The following MAN1B1 variants were observed in gnomAD, a reference collection of about 807,000 sequenced individuals.
The protein encoded by MAN1B1 is mannosidase alpha class 1B member 1, also known as endoplasmic reticulum mannosyl-oligosaccharide 1,2-alpha-mannosidase.
In MAN1B1, 66 loss-of-function variants were observed where a neutral mutation model predicts 75.5. That is an observed-to-expected ratio of 0.87 (90% confidence interval 0.72 to 1.07). The LOEUF (loss-of-function observed/expected upper bound fraction) is 1.07, where lower values mean the gene tolerates loss of function less well. Among genes scored for constraint, MAN1B1 ranks in the 50% least tolerant of loss-of-function variants. The pLI, the probability that MAN1B1 is intolerant of heterozygous loss-of-function variation, is 0.00. For missense variants in MAN1B1, 973 were observed against 912.5 expected (o/e 1.07, Z -0.85); for synonymous variants, 453 against 382.8 (o/e 1.18, Z -2.14).
intron 3 of MAN1B1, chr9:137,094,372 T>C: frequency 2.0e-6 from 1 of 498,592 alleles, no homozygotes; most frequent in South Asian, 1.4e-5. Context: ...TAATAGTTTG[T>C]TCCGACCTTC....
In MAN1B1 at chr9:137,108,970, C is replaced by CTCA; in HGVS notation, c.*380_*382dup. On this transcript the variant is annotated 3_prime_UTR_variant, in exon 13 of 13. Transcript: ENST00000371589. ...GCAGCTCTGCCCGGGCTCGTGAAGC[C>CTCA]TCAGATGTCCCCAATCCAAGGGTCT... 2.1e-6 allele frequency: 1 copy of CTCA among 470,104 alleles called. No homozygotes were observed. Among genetic ancestry groups the CTCA allele is most frequent in the South Asian group, 1.5e-5 (1 of 64,670 alleles). 29.1% of individuals were successfully genotyped at this position (470,104 alleles called of 1,614,324 possible).
rs1410007973 is a variant in MAN1B1 at position 137,101,106 on chromosome 9, C to A, written c.1018C>A (p.Leu340Met). 6.2e-7 allele frequency: 1 copy of A among 1,614,016 alleles called. No individual in the cohort carries two copies. The highest frequency in any genetic ancestry group is 1.7e-5 in the Admixed American group (1 of 60,004). ...CACGATCCGCATCCTGGGGGGGCTC[C>A]TGAGTGCCTACCACCTGTCTGGGGA... ...ESTIRILGGL[L>M]SAYHLSGDSL... The change falls in exon 7 of 13, where the codon CTG becomes ATG. Residue 340 changes from leucine (L) to methionine (M), a missense_variant. Transcript: ENST00000371589.
rs74967304 is a variant in MAN1B1, at chr9:137,089,028, G to T, written c.465+23G>T. The T allele has an allele frequency of 3.0e-3, 4,776 of 1,613,746 alleles. 47 individuals are homozygous for T. Among genetic ancestry groups the T allele is most frequent in the African/African-American group, 0.025 (1,874 of 75,014 alleles). On this transcript the variant is annotated intron_variant, in intron 3 of 12. Transcript: ENST00000371589. ...CAGGTACTTTGAGCAAATGGTGTGG[G>T]GTTATAACTGGGGTTCAATCCAGAG...
chr9:137,102,711 C>A (rs1272670214), intron 8 of MAN1B1: 26 of 433,478 alleles, frequency 6.0e-5, no homozygotes, highest in Non-Finnish European at 4.5e-6. Flanking sequence ...GGTGCTGTTA[C>A]ACACATTCAT....
rs1831162795 is a variant in MAN1B1, at chr9:137,107,632, G to A, written c.1866G>A (p.Glu622=). The A allele has an allele frequency of 6.2e-7, 1 of 1,610,462 alleles. No homozygotes were observed. Among genetic ancestry groups the A allele is most frequent in the Non-Finnish European group, 8.5e-7 (1 of 1,179,962 alleles). The change falls in exon 12 of 13, where the codon GAG becomes GAA. Residue 622 remains glutamate, a synonymous_variant. Coordinates refer to ENST00000371589, the MANE Select transcript of MAN1B1 (RefSeq NM_016219.5). ...GDRKYQDWGW[E]ILQSFSRFTR... ...GCAAATACCAGGACTGGGGCTGGGA[G>A]ATTCTGCAGAGCTTCAGCCGATTCA... is the stretch of plus-strand genomic sequence containing the variant.
At chr9:137,098,391 C>T (rs1185026484) in intron 5 of MAN1B1, among the ~76,000 whole-genome samples, 1 of 152,234 alleles carries the variant, frequency 6.6e-6, no homozygotes. Context: ...GCCACTCACC[C>T]TCCCGTTCTC....
intron 2 of MAN1B1, 89 bp from the exon 3 acceptor site, chr9:137,088,780 A>T: frequency 7.3e-7 from 1 of 1,360,594 alleles, no homozygotes. Context: ...TTTGTAATGG[A>T]TAGTGCCTGC....
chr9:137,091,737 A>T (rs1347998903), intron 3 of MAN1B1, among the ~76,000 whole-genome samples: 1 of 151,474 alleles, frequency 6.6e-6, no homozygotes, highest in Non-Finnish European at 1.5e-5. Flanking sequence ...CGTGTTAGCC[A>T]GGATGGTCTT....
At chr9:137,087,240 C>G in intron 1 of MAN1B1, 22 bp downstream of exon 1, 1 of 1,556,630 alleles carries the variant, frequency 6.4e-7, no homozygotes, top group African/African-American at 1.4e-5. Context: ...GCCGGGCTGA[C>G]TGGGGCCCGG....
In MAN1B1 at chr9:137,101,163, T is replaced by C; in HGVS notation, c.1065+10T>C. On this transcript the variant is annotated intron_variant, in intron 7 of 12. Coordinates refer to ENST00000371589, the MANE Select transcript of MAN1B1 (RefSeq NM_016219.5). ...CTTCCTGAGGAAAGCTGTAAGTGTCTTGGGGTGTCCTGCAGGGAGATGGTG... is the reference window on the plus strand; with the variant it reads ...CTTCCTGAGGAAAGCTGTAAGTGTCCTGGGGTGTCCTGCAGGGAGATGGTG... The C allele has an allele frequency of 6.2e-7, 1 of 1,613,528 alleles. No individual in the cohort carries two copies. The highest frequency in any genetic ancestry group is 1.3e-5 in the African/African-American group (1 of 75,048).
chr9:137,106,898 C>A (rs2131130001), intron 10 of MAN1B1, 89 bp downstream of exon 10: 1 of 1,388,166 alleles, frequency 7.2e-7, no homozygotes, highest in Non-Finnish European at 9.8e-7. Context: ...AGAACGAAAT[C>A]CTGGCCATGG....
intron 5 of MAN1B1, 87 bp from the exon 6 acceptor site, chr9:137,099,609 T>A: frequency 7.0e-7 from 1 of 1,431,482 alleles, no homozygotes; most frequent in Non-Finnish European, 9.8e-7. Context: ...CCCATGGGGG[T>A]CACAGCAGTG....
intron 5 of MAN1B1, among the ~76,000 whole-genome samples, chr9:137,099,427 T>C (rs1248019410): frequency 6.6e-6 from 1 of 152,238 alleles, no homozygotes; most frequent in South Asian, 2.1e-4. Context: ...TGGAGGTGCA[T>C]GGGCCCCAGT....
rs1338173675 is a variant in MAN1B1 at position 137,107,278 on chromosome 9, C to T, written c.1595C>T (p.Thr532Met). Residue 532 changes from threonine to methionine, a missense_variant, in exon 11 of 13, where the codon ACG becomes ATG. By Grantham distance (81) the Thr-to-Met change is moderately conservative (BLOSUM62 -1). Transcript: ENST00000371589. Reference sequence around the variant, plus strand: ...CACCTGGTGTGCTTCCTGCCAGGGACGCTGGCTCTGGGCGTCTACCACGGC... The same window carrying T: ...CACCTGGTGTGCTTCCTGCCAGGGATGCTGGCTCTGGGCGTCTACCACGGC... ...MDHLVCFLPG[T>M]LALGVYHGLP... 11 of 1,612,916 alleles carry T rather than the reference C, an allele frequency of 6.8e-6. No individual in the cohort carries two copies. Among genetic ancestry groups the T allele is most frequent in the East Asian group, 2.2e-5 (1 of 44,886 alleles).
rs1023000674 is a variant in MAN1B1, at chr9:137,109,085, G to A, written c.*494G>A. 4.4e-6 allele frequency: 2 copies of A among 455,704 alleles called. No individual in the cohort carries two copies. The highest frequency in any genetic ancestry group is 2.0e-5 in the African/African-American group (1 of 50,044). 28.2% of individuals were successfully genotyped at this position (455,704 alleles called of 1,614,324 possible). The stretch of plus-strand genomic sequence containing the variant: ...ACTCAGGGATCCTCCTGGCCGCCCC[G>A]CAGGGGGCTTGGAGGGCTGGACGGC... On this transcript the variant is annotated 3_prime_UTR_variant, in exon 13 of 13. Transcript: ENST00000371589.
intron 5 of MAN1B1, among the ~76,000 whole-genome samples, chr9:137,098,858 T>TTA (rs796759955): frequency 1.0e-3 from 152 of 152,118 alleles, no homozygotes; most frequent in African/African-American, 3.4e-3. Flanking sequence ...AAAAAGAAAT[T>TTA]TATATATATG....
chr9:137,092,147 G>A (rs1180897036), intron 3 of MAN1B1, among the ~76,000 whole-genome samples: 2 of 152,084 alleles, frequency 1.3e-5, no homozygotes, highest in African/African-American at 4.8e-5. Context: ...GGCCAAGGCA[G>A]GCAGATTGCT....
chr9:137,088,828 C>T (rs745866265), intron 2 of MAN1B1, 41 bp from the exon 3 acceptor site: 2 of 1,611,098 alleles, frequency 1.2e-6, no homozygotes, highest in Non-Finnish European at 1.7e-6. Flanking sequence ...CTCTTGTAGG[C>T]CTTGTGGCAT....
At chr9:137,103,839 T>G (rs1283504081) in intron 8 of MAN1B1, 4 of 454,268 alleles carry the variant, frequency 8.8e-6, no homozygotes, top group Middle Eastern at 6.5e-4. Context: ...GTCGGTGGTG[T>G]TACACACATT....
Sources: gnomAD v4.1 joint callset for allele counts (sites outside exome capture counted in the v4.1 genomes callset) on GRCh38, gnomAD v4.1.1 for gene constraint, MANE v1.5 for transcripts, NCBI Gene and HGNC (gene_info 2026-07-23, HGNC 2026-07-21) for gene names.